Variants in ADGRL3 observed in about 807,000 individuals in gnomAD.
ADGRL3 encodes the protein adhesion G protein-coupled receptor L3, also known as calcium-independent alpha-latrotoxin receptor 3.
Under a neutral mutation model 153.5 loss-of-function variants are expected in ADGRL3, and 62 were observed. The ratio of observed to expected loss-of-function variants is 0.40; its 90% CI spans 0.33 to 0.50. ADGRL3 has a LOEUF of 0.50. Among genes scored for constraint, ADGRL3 ranks in the 20% least tolerant of loss-of-function variants. The pLI is 0.47. For synonymous variants in ADGRL3, 710 were observed against 672.5 expected (o/e 1.06, Z -0.86); for missense variants, 1,641 against 1,859.4 (o/e 0.88, Z 2.16).
chr4:61,471,847 A>T (rs2152686881), intron 2 of ADGRL3, among the ~76,000 whole-genome samples: 1 of 152,192 alleles, frequency 6.6e-6, no homozygotes, highest in South Asian at 2.1e-4. Flanking sequence ...TAAGATTTGG[A>T]TACCTCTTCT....
At chr4:61,478,164 G>T (rs533848381) in intron 2 of ADGRL3, among the ~76,000 whole-genome samples, 172 of 152,128 alleles carry the variant, frequency 1.1e-3, no homozygotes, top group African/African-American at 4.1e-3. Context: ...ATATGTCAGA[G>T]TACTTATGGG....
At chr4:61,474,396 A>C (rs1472626687) in intron 2 of ADGRL3, among the ~76,000 whole-genome samples, 2 of 152,156 alleles carry the variant, frequency 1.3e-5, no homozygotes, top group Non-Finnish European at 2.9e-5. Context: ...CTAAAAGTTA[A>C]GGACAAGCAA....
intron 2 of ADGRL3, among the ~76,000 whole-genome samples, chr4:61,387,104 G>T (rs2096746039): frequency 6.6e-6 from 1 of 152,082 alleles, no homozygotes; most frequent in Non-Finnish European, 1.5e-5. Context: ...TCTAAAGCTG[G>T]GCATCTGGGG....
At chr4:61,660,950 C>T (rs2094576210) in intron 5 of ADGRL3, among the ~76,000 whole-genome samples, 1 of 152,024 alleles carries the variant, frequency 6.6e-6, no homozygotes, top group South Asian at 2.1e-4. Context: ...TTACTTTTTA[C>T]TATTTTTAAG....
At chr4:61,721,210 C>T (rs1415131290) in intron 6 of ADGRL3, among the ~76,000 whole-genome samples, 5 of 152,072 alleles carry the variant, frequency 3.3e-5, no homozygotes, top group Non-Finnish European at 7.4e-5. Context: ...AGTATTGACA[C>T]ACGATCACAA....
intron 8 of ADGRL3, among the ~76,000 whole-genome samples, chr4:61,779,759 C>A (rs563093655): frequency 5.4e-5 from 8 of 148,778 alleles, no homozygotes; most frequent in Non-Finnish European, 1.0e-4. Context: ...TTTTAAATTT[C>A]TGTGACTATT....
intron 5 of ADGRL3, among the ~76,000 whole-genome samples, chr4:61,663,157 G>A (rs1017903867): frequency 1.3e-5 from 2 of 152,170 alleles, no homozygotes; most frequent in African/African-American, 2.4e-5. Flanking sequence ...CAGAAGCAGG[G>A]CTGAAAGACA....
rs12647597 is a variant in ADGRL3, at chr4:61,619,914, C to T, written c.473+32474C>T. Among the ~76,000 whole-genome samples the T allele has an allele frequency of 1.9e-4, 29 of 152,250 alleles. No homozygotes were observed. In the East Asian group the frequency reaches 4.8e-3, roughly 25 times the overall value. ...AATGTGCAGCTTCTCATTCTTGTAA[C>T]GGCAAATAGTTAAAATTTCATCTGT... On this transcript the variant is annotated intron_variant, in intron 5 of 26. Coordinates refer to ENST00000683033, the MANE Select transcript of ADGRL3 (RefSeq NM_001387552.1).
intron 5 of ADGRL3, among the ~76,000 whole-genome samples, chr4:61,606,267 T>TCATTAC (rs2099032087): frequency 1.3e-5 from 2 of 152,196 alleles, no homozygotes; most frequent in African/African-American, 4.8e-5. Context: ...AGAGCTGTAA[T>TCATTAC]GATGAGGTAT....
At chr4:61,562,916 G>A (rs1432115710) in intron 4 of ADGRL3, among the ~76,000 whole-genome samples, 2 of 138,854 alleles carry the variant, frequency 1.4e-5, no homozygotes, top group East Asian at 4.3e-4. Context: ...TTGCACTCCA[G>A]CCTGGATGAC....
At chr4:61,660,031 T>A (rs193025258) in intron 5 of ADGRL3, among the ~76,000 whole-genome samples, 88 of 151,808 alleles carry the variant, frequency 5.8e-4, no homozygotes, top group African/African-American at 2.1e-3. Context: ...GGGAGCACTC[T>A]CAAATGAATT....
rs115593671 is a variant in ADGRL3 at position 61,242,258 on chromosome 4, T to C, written c.-240+40493T>C. Among the ~76,000 whole-genome samples, 1,378 of 152,112 alleles carry C rather than the reference T, an allele frequency of 9.1e-3. 24 individuals carry two copies. Among genetic ancestry groups the C allele is most frequent in the African/African-American group, 0.032 (1,318 of 41,514 alleles). ...CCTCAATGAGGTTGGAGATTGTGTCTATTATGTCACACTGTGGTACATTCG... is the reference window on the plus strand; with the variant it reads ...CCTCAATGAGGTTGGAGATTGTGTCCATTATGTCACACTGTGGTACATTCG... On this transcript the variant is annotated intron_variant, in intron 1 of 26. Coordinates refer to ENST00000683033, the MANE Select transcript of ADGRL3 (RefSeq NM_001387552.1).
At chr4:61,522,504 A>G (rs931868762) in intron 4 of ADGRL3, among the ~76,000 whole-genome samples, 5 of 152,134 alleles carry the variant, frequency 3.3e-5, no homozygotes, top group African/African-American at 2.4e-5. Flanking sequence ...CAAGACCACA[A>G]TTGCCAAGCT....
At chr4:61,921,345 G>A (rs774084375) in intron 13 of ADGRL3, among the ~76,000 whole-genome samples, 3 of 152,016 alleles carry the variant, frequency 2.0e-5, no homozygotes, top group African/African-American at 2.4e-5. Flanking sequence ...GCTCCCTTGC[G>A]GTTGCGTAGT....
chr4:61,621,520 T>A (rs1459854531), intron 5 of ADGRL3, among the ~76,000 whole-genome samples: 1 of 152,188 alleles, frequency 6.6e-6, no homozygotes, highest in African/African-American at 2.4e-5. Context: ...TTTTGAATAT[T>A]TTTAATTAAT....
At position 61,740,389 on chromosome 4, in the gene ADGRL3, G is replaced by A. The variant is rs141282102; in HGVS notation, c.1399+6835G>A. Among the ~76,000 whole-genome samples, 490 of 152,134 alleles carry A rather than the reference G, an allele frequency of 3.2e-3. 3 individuals carry two copies. Among genetic ancestry groups the A allele is most frequent in the African/African-American group, 0.011 (469 of 41,506 alleles). ...TATCCTGATACAGCTGGTGGGAGGG[G>A]GTCAGATAGTTGCATCACTTACCTT... On this transcript the variant is annotated intron_variant, in intron 8 of 26. Transcript: ENST00000683033.
intron 8 of ADGRL3, among the ~76,000 whole-genome samples, chr4:61,778,473 A>C (rs934367791): frequency 3.3e-5 from 5 of 152,250 alleles, no homozygotes; most frequent in Non-Finnish European, 7.3e-5. Context: ...AATTTGAATA[A>C]AAGAAGAGTC....
chr4:61,690,419 A>C (rs898284162), intron 6 of ADGRL3, among the ~76,000 whole-genome samples: 2 of 151,784 alleles, frequency 1.3e-5, no homozygotes, highest in African/African-American at 2.4e-5. Flanking sequence ...TAAGAGAAAG[A>C]GCAAGACCCT....
At chr4:61,568,784 G>A (rs370254263) in intron 4 of ADGRL3, among the ~76,000 whole-genome samples, 1 of 152,056 alleles carries the variant, frequency 6.6e-6, no homozygotes, top group Middle Eastern at 3.4e-3. Flanking sequence ...CATGATCATG[G>A]TTCTCCTTTT....
Sources: allele counts gnomAD v4.1 joint callset (sites outside exome capture counted in the v4.1 genomes callset), GRCh38; gene constraint gnomAD v4.1.1; transcripts MANE v1.5; gene names NCBI Gene and HGNC (gene_info 2026-07-23, HGNC 2026-07-21).